DOCK2: variants seen among roughly 807,000 people sequenced by gnomAD.
The protein encoded by DOCK2 is dedicator of cytokinesis 2, also known as dedicator of cytokinesis protein 2.
A neutral mutation model predicts 248.9 loss-of-function variants in DOCK2; 87 were observed. The observed-to-expected ratio is 0.35, with a 90% confidence interval of 0.29 to 0.42. The LOEUF (loss-of-function observed/expected upper bound fraction) is 0.42. DOCK2 is among the 10% of genes least tolerant of loss of function. The pLI is 1.00. For missense variants in DOCK2, 1,747 were observed against 2,300.2 expected, an observed-to-expected ratio of 0.76 and a Z score of 4.92; for synonymous variants, 805 against 821.6, an observed-to-expected ratio of 0.98 and a Z score of 0.35.
intron 27 of DOCK2, among the ~76,000 whole-genome samples, chr5:169,937,254 C>T (rs1185445554): frequency 2.6e-5 from 4 of 152,222 alleles, no homozygotes; most frequent in Non-Finnish European, 4.4e-5. Flanking sequence ...AAGCCTTCAA[C>T]ATTTATTATC....
chr5:169,934,018 T>G (rs2113689309), intron 27 of DOCK2, among the ~76,000 whole-genome samples: 1 of 152,320 alleles, frequency 6.6e-6, no homozygotes, highest in East Asian at 1.9e-4. Flanking sequence ...TTTAAGCATT[T>G]AGGGCAGAGC....
chr5:169,684,391 A>G (rs1335852302), intron 8 of DOCK2, 41 bp downstream of exon 8: 1 of 1,607,970 alleles, frequency 6.2e-7, no homozygotes, highest in East Asian at 2.2e-5. Context: ...TGACTATGGG[A>G]AGCAGTGCAC....
intron 6 of DOCK2, among the ~76,000 whole-genome samples, chr5:169,677,778 G>A (rs1381648681): frequency 2.0e-5 from 3 of 152,204 alleles, no homozygotes; most frequent in Non-Finnish European, 4.4e-5. Flanking sequence ...GCATTGTAAG[G>A]AAAGTGACTT....
intron 27 of DOCK2, chr5:169,980,296 C>T (rs577092119): frequency 1.3e-5 from 2 of 152,316 alleles, no homozygotes; most frequent in South Asian, 4.1e-4. Context: ...GTGGAATTAC[C>T]TGCAGAGGAT....
chr5:169,897,287 C>T lies in DOCK2; in HGVS notation c.2799+56435C>T, dbSNP rs753385820. On this transcript the variant is annotated intron_variant, in intron 27 of 51. Transcript: ENST00000520908. ...GCACCTTCCACCTCCTGGGTTCAAG[C>T]AATTCTCGTGCCTCAGCCTCCCAAG... 3.2e-4 allele frequency among the ~76,000 whole-genome samples: 49 copies of T among 152,054 alleles called. 1 individual carries two copies. Among genetic ancestry groups the T allele is most frequent in the Non-Finnish European group, 7.4e-5 (5 of 68,000 alleles).
chr5:170,045,768 C>A, intron 38 of DOCK2, 48 bp from the exon 39 acceptor site: 3 of 1,590,758 alleles, frequency 1.9e-6, no homozygotes, highest in Non-Finnish European at 2.6e-6. Context: ...AAGCGCTCTG[C>A]AAACCCGGTG....
At chr5:169,858,412 G>C (rs1271209811) in intron 27 of DOCK2, among the ~76,000 whole-genome samples, 1 of 152,136 alleles carries the variant, frequency 6.6e-6, no homozygotes, top group Non-Finnish European at 1.5e-5. Flanking sequence ...GGTGGTGTAG[G>C]TGGGGAGTAT....
chr5:169,670,966 T>C, intron 4 of DOCK2, 112 bp from the exon 5 acceptor site: 1 of 799,772 alleles, frequency 1.3e-6, no homozygotes, highest in South Asian at 1.7e-5. Flanking sequence ...TGTTTTAGTC[T>C]AATGTCAGGA....
At chr5:169,719,197 G>A (rs1269541399) in intron 22 of DOCK2, among the ~76,000 whole-genome samples, 2 of 152,192 alleles carry the variant, frequency 1.3e-5, no homozygotes, top group Admixed American at 6.5e-5. Context: ...CAATAAGCTG[G>A]TATTTGCAGT....
chr5:169,766,993 C>T (rs1456291250), intron 25 of DOCK2, among the ~76,000 whole-genome samples: 2 of 152,082 alleles, frequency 1.3e-5, no homozygotes, highest in Non-Finnish European at 2.9e-5. Context: ...TGTCCTCTGG[C>T]GATCTGCCTG....
At chr5:169,706,091 T>C (rs1038637352) in intron 14 of DOCK2, among the ~76,000 whole-genome samples, 11 of 152,272 alleles carry the variant, frequency 7.2e-5, no homozygotes, top group African/African-American at 2.7e-4. Flanking sequence ...GTTATTTCTC[T>C]GAAGTGCTGA....
chr5:169,884,989 G>A (rs1281502980), intron 27 of DOCK2, among the ~76,000 whole-genome samples: 1 of 152,052 alleles, frequency 6.6e-6, no homozygotes, highest in Non-Finnish European at 1.5e-5. Flanking sequence ...GTGGGTGCAA[G>A]GCCTTGGAAC....
chr5:169,826,148 G>A (rs949105477), intron 26 of DOCK2, among the ~76,000 whole-genome samples: 1 of 152,204 alleles, frequency 6.6e-6, no homozygotes, highest in Non-Finnish European at 1.5e-5. Flanking sequence ...TGTACTTAGT[G>A]CTTACTCTGT....
chr5:169,983,500 G>A (rs192372160), intron 28 of DOCK2, among the ~76,000 whole-genome samples: 104 of 152,322 alleles, frequency 6.8e-4, no homozygotes, highest in South Asian at 2.5e-3. Flanking sequence ...TAGCTCTCAC[G>A]TAGTAAGTGC....
intron 26 of DOCK2, among the ~76,000 whole-genome samples, chr5:169,805,440 C>T (rs1416915806): frequency 1.3e-5 from 2 of 152,152 alleles, no homozygotes; most frequent in East Asian, 3.9e-4. Context: ...TGTTGAAAAG[C>T]CAATCCACAG....
rs1036691301 is a variant in DOCK2, at chr5:169,689,373, C to T, written c.843+40C>T. ...TCTTCTCGTTACCGTGCTCCCCAACCACAAAAATGTGACCTTGGAAATGAG... is the reference window on the plus strand; with the variant it reads ...TCTTCTCGTTACCGTGCTCCCCAACTACAAAAATGTGACCTTGGAAATGAG... On this transcript the variant is annotated intron_variant, in intron 9 of 51. Transcript: ENST00000520908. 3 of 1,606,432 alleles carry T rather than the reference C, an allele frequency of 1.9e-6. No homozygotes were observed. The African/African-American group carries it at 4.0e-5, about 21-fold the overall frequency.
chr5:169,640,642 G>A (rs1757098060), intron 1 of DOCK2, among the ~76,000 whole-genome samples: 1 of 152,212 alleles, frequency 6.6e-6, no homozygotes, highest in South Asian at 2.1e-4. Flanking sequence ...TGTGGGAAGG[G>A]AAATATATGG....
At chr5:170,056,566 G>A (rs1367082333) in intron 42 of DOCK2, 118 bp from the exon 43 acceptor site, 3 of 741,636 alleles carry the variant, frequency 4.0e-6, no homozygotes, top group East Asian at 2.7e-5. Context: ...TGCACCACAA[G>A]GGACTCTGCC....
intron 38 of DOCK2, among the ~76,000 whole-genome samples, chr5:170,043,891 C>T (rs1263911364): frequency 6.6e-6 from 1 of 152,236 alleles, no homozygotes; most frequent in Non-Finnish European, 1.5e-5. Flanking sequence ...AAAAAACTTA[C>T]TGTCTAGTGA....
Sources: gnomAD v4.1 joint callset for allele counts (sites outside exome capture counted in the v4.1 genomes callset) on GRCh38, gnomAD v4.1.1 for gene constraint, MANE v1.5 for transcripts, NCBI Gene and HGNC (gene_info 2026-07-23, HGNC 2026-07-21) for gene names.